Variants in MAD1L1 observed in about 807,000 individuals in gnomAD.
MAD1L1 encodes the protein mitotic arrest deficient 1 like 1, also known as mitotic spindle assembly checkpoint protein MAD1.
A neutral mutation model predicts 96.9 loss-of-function variants in MAD1L1; 95 were observed. That is an observed-to-expected ratio of 0.98 (90% CI 0.83 to 1.16). The LOEUF (loss-of-function observed/expected upper bound fraction) is 1.16, where lower values mean the gene tolerates loss of function less well. Ranked by LOEUF, MAD1L1 falls within the 50% of genes most tolerant of loss-of-function variation. MAD1L1 has a pLI of 0.00. For missense variants in MAD1L1, 1,007 were observed against 954.4 expected (o/e 1.06, Z -0.73); for synonymous variants, 473 against 396.6 (o/e 1.19, Z -2.29).
chr7:2,173,309 C>T (rs537113730), intron 10 of MAD1L1, among the ~76,000 whole-genome samples: 7 of 152,294 alleles, frequency 4.6e-5, no homozygotes, highest in African/African-American at 1.2e-4. Flanking sequence ...ACCCCTCTGC[C>T]GCCCCGCAGG....
rs755012008 is a variant in MAD1L1 at position 1,936,827 on chromosome 7, C to T, written c.1667G>A (p.Arg556His). The T allele has an allele frequency of 1.1e-4, 170 of 1,603,562 alleles. No homozygotes were observed. In the East Asian group the frequency reaches 1.8e-3, roughly 17 times the overall value. The change falls in exon 17 of 19, where the codon CGC (arginine) becomes CAC (histidine). Residue 556 changes from arginine (R) to histidine (H), a missense_variant. Arg to His is a conservative substitution (Grantham distance 29). Coordinates refer to ENST00000265854, the MANE Select transcript of MAD1L1 (RefSeq NM_001013836.2). Reference protein sequence around the residue: ...SLNPTSVARQRLREDHSQLQA... With the variant: ...SLNPTSVARQHLREDHSQLQA... Reference sequence around the variant, plus strand: ...CAGCTGGCTGTGGTCCTCGCGCAGGCGCTGCCTGGCCACACTGGTGGGGTT... The same window carrying T: ...CAGCTGGCTGTGGTCCTCGCGCAGGTGCTGCCTGGCCACACTGGTGGGGTT...
intron 12 of MAD1L1, among the ~76,000 whole-genome samples, chr7:2,044,226 T>C (rs1428133556): frequency 6.6e-6 from 1 of 152,222 alleles, no homozygotes; most frequent in Non-Finnish European, 1.5e-5. Context: ...TCCCAACTTG[T>C]TCAGTCCGCC....
At chr7:1,854,208 C>T (rs1297775818) in intron 18 of MAD1L1, among the ~76,000 whole-genome samples, 1 of 152,160 alleles carries the variant, frequency 6.6e-6, no homozygotes, top group Non-Finnish European at 1.5e-5. Flanking sequence ...ACTGAGCACC[C>T]AGGACAGGCC....
intron 17 of MAD1L1, among the ~76,000 whole-genome samples, chr7:1,927,985 C>T (rs1789184062): frequency 6.6e-6 from 1 of 152,224 alleles, no homozygotes; most frequent in Non-Finnish European, 1.5e-5. Context: ...CCAAGCAGCA[C>T]GTGGGGGGCA....
chr7:2,076,970 CGCAGCA>C, intron 11 of MAD1L1, among the ~76,000 whole-genome samples: 1 of 144,996 alleles, frequency 6.9e-6, no homozygotes, highest in Admixed American at 6.7e-5. Context: ...ACGGTGAGCC[CGCAGCA>C]TGGTGAGCCC....
At chr7:2,109,313 GCACA>G (rs1465076921) in intron 11 of MAD1L1, among the ~76,000 whole-genome samples, 3 of 152,208 alleles carry the variant, frequency 2.0e-5, no homozygotes, top group Admixed American at 6.5e-5. Flanking sequence ...CACTGGAGGC[GCACA>G]CACAATCAGG....
intron 3 of MAD1L1, among the ~76,000 whole-genome samples, chr7:2,228,389 G>A (rs547089769): frequency 1.1e-3 from 174 of 152,194 alleles, no homozygotes; most frequent in Non-Finnish European, 1.9e-3. Flanking sequence ...CTCCCGAGTA[G>A]GTGGGATTAC....
At chr7:1,874,055 A>G (rs887987260) in intron 18 of MAD1L1, among the ~76,000 whole-genome samples, 31 of 152,114 alleles carry the variant, frequency 2.0e-4, no homozygotes, top group African/African-American at 7.2e-4. Flanking sequence ...TGAGCACCCC[A>G]TGCTAGGGTC....
chr7:2,210,866 G>A (rs920863839), intron 10 of MAD1L1, among the ~76,000 whole-genome samples: 3 of 146,192 alleles, frequency 2.1e-5, no homozygotes, highest in Non-Finnish European at 4.4e-5. Flanking sequence ...GCTCAGAGAG[G>A]ACGCTCGCAC....
chr7:1,862,059 G>A (rs1940802495), intron 18 of MAD1L1, among the ~76,000 whole-genome samples: 1 of 152,200 alleles, frequency 6.6e-6, no homozygotes, highest in African/African-American at 2.4e-5. Flanking sequence ...TAGACCTGCA[G>A]AGCCTCTGGC....
intron 18 of MAD1L1, among the ~76,000 whole-genome samples, chr7:1,831,718 G>A (rs576474160): frequency 7.2e-5 from 11 of 152,276 alleles, no homozygotes; most frequent in South Asian, 2.1e-4. Flanking sequence ...ATATGGAGAC[G>A]GTAAATGAGC....
intron 12 of MAD1L1, among the ~76,000 whole-genome samples, chr7:2,036,431 A>G (rs1783439507): frequency 6.6e-6 from 1 of 152,264 alleles, no homozygotes; most frequent in Non-Finnish European, 1.5e-5. Context: ...CCAGAGCTCC[A>G]GCCTGAATCC....
In MAD1L1 at chr7:2,222,579, C is replaced by A; in HGVS notation, c.467G>T (p.Gly156Val). Residue 156 changes from glycine to valine, a missense_variant, in exon 5 of 19, where the codon GGC becomes GTC. Transcript: ENST00000265854. ...REKEDSLAQA[G>V]ETINALKGRI... ...CGCAGCAGAGGCCCCGCTCACCTCG[C>A]CAGCCTGGGCCAGACTGTCCTCTTT... The A allele has an allele frequency of 6.3e-7, 1 of 1,596,366 alleles. No individual in the cohort carries two copies.
chr7:2,192,799 T>A (rs1791792530), intron 10 of MAD1L1, among the ~76,000 whole-genome samples: 1 of 152,224 alleles, frequency 6.6e-6, no homozygotes, highest in South Asian at 2.1e-4. Flanking sequence ...GAAAAGTATA[T>A]GCAAATCCAT....
chr7:1,888,605 T>A (rs900708694), intron 18 of MAD1L1, among the ~76,000 whole-genome samples: 1 of 152,038 alleles, frequency 6.6e-6, no homozygotes, highest in Non-Finnish European at 1.5e-5. Flanking sequence ...TGTGGCTGCC[T>A]ATGCATGTGT....
intron 17 of MAD1L1, among the ~76,000 whole-genome samples, chr7:1,933,439 C>T (rs914907412): frequency 3.9e-5 from 6 of 152,322 alleles, no homozygotes; most frequent in African/African-American, 1.4e-4. Context: ...CAGGCCCACA[C>T]CTGCATCTAT....
chr7:1,879,680 A>G (rs1468135431), intron 18 of MAD1L1, among the ~76,000 whole-genome samples: 3 of 152,244 alleles, frequency 2.0e-5, no homozygotes, highest in African/African-American at 7.2e-5. Context: ...GGATAGCAGC[A>G]CAAGGTCACC....
chr7:1,827,428 C>T (rs1381093632), intron 18 of MAD1L1, among the ~76,000 whole-genome samples: 1 of 138,344 alleles, frequency 7.2e-6, no homozygotes, highest in Non-Finnish European at 1.6e-5. Context: ...CCCTCCTGAG[C>T]CCGTCGCGGG....
intron 12 of MAD1L1, among the ~76,000 whole-genome samples, chr7:2,016,232 G>A (rs538171683): frequency 4.9e-4 from 74 of 152,298 alleles, no homozygotes; most frequent in African/African-American, 1.4e-3. Context: ...CACATGCTGC[G>A]CAAGGGGCCA....
Sources: gnomAD v4.1 joint callset for allele counts (sites outside exome capture counted in the v4.1 genomes callset) on GRCh38, gnomAD v4.1.1 for gene constraint, MANE v1.5 for transcripts, NCBI Gene and HGNC (gene_info 2026-07-23, HGNC 2026-07-21) for gene names.